The following DNAH9 variants were observed in gnomAD, a reference collection of about 807,000 sequenced individuals.
DNAH9 encodes dynein axonemal heavy chain 9, also known as DNAH9 variant protein.
Under a neutral mutation model 471.6 loss-of-function variants are expected in DNAH9, and 345 were observed. That is an observed-to-expected ratio of 0.73 (90% confidence interval 0.67 to 0.80). The LOEUF is 0.80. Ranked by LOEUF, DNAH9 falls within the 30% of genes least tolerant of loss-of-function variation. The probability of loss-of-function intolerance (pLI) is 0.00; values close to 1 mark genes in which losing one functional copy is unlikely to be tolerated. For missense variants in DNAH9, 5,407 were observed against 5,609.2 expected (o/e 0.96, Z 1.15); for synonymous variants, 2,093 against 2,123.6 (o/e 0.99, Z 0.40).
chr17:11,828,077 T>C (rs186098249), intron 48 of DNAH9, among the ~76,000 whole-genome samples: 106 of 152,294 alleles, frequency 7.0e-4, no homozygotes, highest in South Asian at 5.0e-3. Context: ...ATGGATATCT[T>C]TTACCTTCAT....
At chr17:11,957,283 C>A (rs887934780) in intron 67 of DNAH9, among the ~76,000 whole-genome samples, 1 of 152,022 alleles carries the variant, frequency 6.6e-6, no homozygotes, top group Admixed American at 6.6e-5. Context: ...ACAAAGAAAA[C>A]CCCTGATCCA....
chr17:11,609,078 C>T (rs79419727), intron 2 of DNAH9, among the ~76,000 whole-genome samples: 5,986 of 152,198 alleles, frequency 0.039, 400 homozygotes, highest in African/African-American at 0.13. Context: ...CTTGTGGCAA[C>T]GGACAGCCTT....
At chr17:11,727,016 C>G (rs1225186521) in intron 27 of DNAH9, among the ~76,000 whole-genome samples, 1 of 128,462 alleles carries the variant, frequency 7.8e-6, no homozygotes, top group African/African-American at 2.9e-5. Context: ...CCACTGCACT[C>G]CAGCCTGGGC....
chr17:11,932,330 C>T lies in DNAH9; in HGVS notation c.12297+125C>T, dbSNP rs1347101160. 2.0e-6 allele frequency: 2 copies of T among 978,768 alleles called. No homozygotes were observed. The highest frequency in any genetic ancestry group is 2.9e-6 in the Non-Finnish European group (2 of 679,052). The allele number at this position is 978,768 out of a possible 1,614,324, so 60.6% of individuals were successfully genotyped here. ...AATGTGCATTTCTAACAAGCTCCCT[C>T]GTGATGCAGATGCTGCTGATTCGGG... On this transcript the variant is annotated intron_variant, in intron 64 of 68. Coordinates refer to ENST00000262442, the MANE Select transcript of DNAH9 (RefSeq NM_001372.4). The surrounding 1 kb of genome is among the most constrained non-coding windows in gnomAD (Gnocchi z 4.3).
At chr17:11,964,835 C>T (rs1394172770) in intron 68 of DNAH9, among the ~76,000 whole-genome samples, 1 of 152,090 alleles carries the variant, frequency 6.6e-6, no homozygotes, top group Non-Finnish European at 1.5e-5. Context: ...GTTGGAGCAC[C>T]TTCAAAGCCC....
At position 11,719,636 on chromosome 17, in the gene DNAH9, G is replaced by A. The variant is rs8076210; in HGVS notation, c.5709+146G>A. 0.97 allele frequency: 692,702 copies of A among 714,496 alleles called. 336,367 individuals carry two copies. The highest frequency in any genetic ancestry group is 0.99 in the Non-Finnish European group (443,733 of 449,722). The allele number at this position is 714,496 out of a possible 1,614,324, so 44.3% of individuals were successfully genotyped here. A position where few individuals can be genotyped will look rare whatever the true frequency, so the allele number is the denominator to read the frequency against. ...TCAGGAGGTCTCAGTTTGCTCCTTC[G>A]TGGTAAAGTTGGACGTTTGAACCCT... is the stretch of plus-strand genomic sequence containing the variant. On this transcript the variant is annotated intron_variant, in intron 27 of 68. Coordinates refer to ENST00000262442, the MANE Select transcript of DNAH9 (RefSeq NM_001372.4).
chr17:11,886,819 C>T lies in DNAH9; in HGVS notation c.10972-6C>T, dbSNP rs1206459802. 1 of 1,602,720 alleles carries T rather than the reference C, an allele frequency of 6.2e-7. No individual in the cohort carries two copies. Among genetic ancestry groups the T allele is most frequent in the Non-Finnish European group, 8.5e-7 (1 of 1,174,084 alleles). On this transcript the variant is annotated splice_region_variant and splice_polypyrimidine_tract_variant and intron_variant, in intron 56 of 68. Coordinates refer to ENST00000262442, the MANE Select transcript of DNAH9 (RefSeq NM_001372.4). ...AACAGTGGGCTGCTGTTTATTTTTC[C>T]AACAGGTCCAGGAGGCCAAGGTGAC...
At chr17:11,946,205 A>T (rs1225614470) in intron 67 of DNAH9, among the ~76,000 whole-genome samples, 1 of 149,774 alleles carries the variant, frequency 6.7e-6, no homozygotes, top group Non-Finnish European at 1.5e-5. Context: ...ATCTCAAAAA[A>T]AAAAAAAAAA....
rs543414384 is a variant in DNAH9, at chr17:11,604,894, C to T, written c.418-3235C>T. On this transcript the variant is annotated intron_variant, in intron 1 of 68. Transcript: ENST00000262442. ...CTTTGCCCCTTAGAGCCTATAATCACGGCAGCTTGGTTGATCCTACTCAAA... is the reference window on the plus strand; with the variant it reads ...CTTTGCCCCTTAGAGCCTATAATCATGGCAGCTTGGTTGATCCTACTCAAA... 4.6e-5 allele frequency among the ~76,000 whole-genome samples: 7 copies of T among 152,282 alleles called. No homozygotes were observed. The South Asian group carries it at 1.0e-3, about 23-fold the overall frequency.
At chr17:11,598,961 AG>A in intron 1 of DNAH9, 46 bp downstream of exon 1, 1 of 441,358 alleles carries the variant, frequency 2.3e-6, no homozygotes, top group South Asian at 5.7e-5. Context: ...TGGGTGGGGG[AG>A]GGGAGGAGGA....
At chr17:11,649,100 C>G (rs2073449342) in intron 12 of DNAH9, among the ~76,000 whole-genome samples, 2 of 149,956 alleles carry the variant, frequency 1.3e-5, no homozygotes, top group African/African-American at 4.9e-5. Context: ...GCACTCCAGC[C>G]TAGGCAACAA....
At chr17:11,734,052 C>T (rs2075309086) in intron 28 of DNAH9, among the ~76,000 whole-genome samples, 2 of 152,038 alleles carry the variant, frequency 1.3e-5, no homozygotes, top group African/African-American at 2.4e-5. Flanking sequence ...AAGAACAGTT[C>T]ACTGACTTTC....
chr17:11,741,926 T>G (rs923113857), intron 29 of DNAH9, among the ~76,000 whole-genome samples: 2 of 152,188 alleles, frequency 1.3e-5, no homozygotes, highest in African/African-American at 4.8e-5. Flanking sequence ...TCCAGCCCCT[T>G]AAGAAGGCGA....
At chr17:11,921,659 C>T (rs1019941444) in intron 61 of DNAH9, among the ~76,000 whole-genome samples, 6 of 152,282 alleles carry the variant, frequency 3.9e-5, no homozygotes, top group Middle Eastern at 3.4e-3. Context: ...AGGTTACCTC[C>T]GCACCCATGA....
At chr17:11,612,530 A>G (rs2072660051) in intron 4 of DNAH9, 1 of 152,304 alleles carries the variant, frequency 6.6e-6, no homozygotes, top group Non-Finnish European at 1.5e-5. Flanking sequence ...AGAAATCTCT[A>G]TTCCATTTCT....
intron 43 of DNAH9, among the ~76,000 whole-genome samples, chr17:11,805,540 T>C (rs1317909587): frequency 1.4e-4 from 13 of 95,728 alleles, no homozygotes; most frequent in African/African-American, 4.6e-4. Context: ...TTTTTTTTTT[T>C]TTTTTTTTTT....
At chr17:11,772,813 T>A (rs2011461) in intron 38 of DNAH9, among the ~76,000 whole-genome samples, 41,988 of 152,102 alleles carry the variant, frequency 0.28, 9,188 homozygotes, top group African/African-American at 0.61. Context: ...CAACCAGGAA[T>A]TGGGGAGTCA....
At chr17:11,620,950 C>G (rs371007467) in intron 6 of DNAH9, among the ~76,000 whole-genome samples, 13 of 152,214 alleles carry the variant, frequency 8.5e-5, no homozygotes, top group East Asian at 3.9e-4. Flanking sequence ...AGACATGATA[C>G]TATTTCTTTG....
chr17:11,882,861 G>A (rs1395697600), intron 55 of DNAH9: 27 of 905,412 alleles, frequency 3.0e-5, no homozygotes, highest in Non-Finnish European at 3.4e-5. Flanking sequence ...TCCCAGCACA[G>A]AGAACAGCAA....
Sources: gnomAD v4.1 joint callset for allele counts (sites outside exome capture counted in the v4.1 genomes callset) on GRCh38, gnomAD v4.1.1 for gene constraint, Gnocchi (gnomAD v3.1) non-coding constraint, MANE v1.5 for transcripts, NCBI Gene and HGNC (gene_info 2026-07-23, HGNC 2026-07-21) for gene names.